ADD1: variants seen among roughly 807,000 people sequenced by gnomAD.
ADD1 encodes alpha-adducin.
A neutral mutation model predicts 80.5 loss-of-function variants in ADD1; 24 were observed. The observed-to-expected ratio is 0.30, with a 90% CI of 0.22 to 0.42. The LOEUF (loss-of-function observed/expected upper bound fraction) is 0.42. Among genes scored for constraint, ADD1 ranks in the 10% least tolerant of loss-of-function variants. ADD1 has a pLI of 1.00. For missense variants in ADD1, 948 were observed against 1,019.0 expected, an observed-to-expected ratio of 0.93 and a Z score of 0.95; for synonymous variants, 373 against 393.8, an observed-to-expected ratio of 0.95 and a Z score of 0.63.
chr4:2,899,097 T>C, intron 8 of ADD1, 162 bp from the exon 9 acceptor site: 1 of 748,726 alleles, frequency 1.3e-6, no homozygotes. Flanking sequence ...GAAATACTTC[T>C]GAAAGTAACT....
chr4:2,868,402 CA>C (rs1242575733), intron 1 of ADD1, among the ~76,000 whole-genome samples: 2 of 152,220 alleles, frequency 1.3e-5, no homozygotes, highest in Non-Finnish European at 2.9e-5. Context: ...GCACTGTTCC[CA>C]GCCCTCTGCC....
chr4:2,927,831 C>A (rs1189517979), intron 15 of ADD1, among the ~76,000 whole-genome samples: 1 of 152,162 alleles, frequency 6.6e-6, no homozygotes, highest in South Asian at 2.1e-4. Context: ...GACTTCTCGT[C>A]ACATAATGAA....
Position 2,886,828 on chromosome 4 carries a change from A to G in ADD1, c.510+2162A>G, listed in dbSNP as rs553394774. 6.6e-5 allele frequency among the ~76,000 whole-genome samples: 10 copies of G among 152,326 alleles called. 1 individual carries two copies. The South Asian group carries it at 2.1e-3, about 32-fold the overall frequency. On this transcript the variant is annotated intron_variant, in intron 4 of 15. Coordinates refer to ENST00000683351, the MANE Select transcript of ADD1 (RefSeq NM_001354761.2). ...TGCAGGGAAATTGCTGGCCTCTGTC[A>G]TCTAATTATACTTGACAGAATGCTG... is the stretch of plus-strand genomic sequence containing the variant.
chr4:2,894,467 C>T (rs1464943773), intron 5 of ADD1, 115 bp from the exon 6 acceptor site: 9 of 917,484 alleles, frequency 9.8e-6, no homozygotes, highest in African/African-American at 1.9e-5. Context: ...GCCGAGGTCG[C>T]ACCACTGCAC....
chr4:2,889,238 G>T (rs1220279602), intron 4 of ADD1, among the ~76,000 whole-genome samples: 1 of 152,146 alleles, frequency 6.6e-6, no homozygotes, highest in Admixed American at 6.5e-5. Context: ...GCGGGGTGGG[G>T]GATGGACTTG....
Position 2,872,451 on chromosome 4 carries a change from T to A in ADD1, c.-20-3445T>A, listed in dbSNP as rs1379631397. On this transcript the variant is annotated intron_variant, in intron 1 of 15. Transcript: ENST00000683351. ...ATAATTATGGCATTACATAATAGAATAAGAAATATAGTTTGCCACTTAATA... is the reference window on the plus strand; with the variant it reads ...ATAATTATGGCATTACATAATAGAAAAAGAAATATAGTTTGCCACTTAATA... Among the ~76,000 whole-genome samples the A allele has an allele frequency of 2.0e-5, 3 of 152,272 alleles. No individual in the cohort carries two copies. The East Asian group carries it at 5.8e-4, about 29-fold the overall frequency.
intron 1 of ADD1, among the ~76,000 whole-genome samples, chr4:2,853,856 G>A (rs1398598041): frequency 2.6e-5 from 4 of 151,856 alleles, no homozygotes; most frequent in African/African-American, 9.7e-5. Context: ...CACCTGCCTC[G>A]GCCTCCAAAA....
At chr4:2,878,945 G>C (rs778114895) in intron 2 of ADD1, among the ~76,000 whole-genome samples, 4 of 152,238 alleles carry the variant, frequency 2.6e-5, no homozygotes, top group South Asian at 2.1e-4. Context: ...TGGATGCTAG[G>C]AGGGGGTGGT....
intron 2 of ADD1, among the ~76,000 whole-genome samples, chr4:2,877,936 C>T (rs1731622079): frequency 6.6e-6 from 1 of 152,172 alleles, no homozygotes; most frequent in Admixed American, 6.5e-5. Flanking sequence ...CAGTGCACTC[C>T]AGCCTGGGTG....
chr4:2,898,364 A>G (rs768484562), intron 7 of ADD1, 37 bp downstream of exon 7: 2 of 1,614,166 alleles, frequency 1.2e-6, no homozygotes, highest in South Asian at 2.2e-5. Context: ...AAATTACAGC[A>G]GAAAGAAGAA....
At chr4:2,928,144 A>G (rs1712216070) in intron 15 of ADD1, 27 bp from the exon 16 acceptor site, 8 of 1,601,982 alleles carry the variant, frequency 5.0e-6, no homozygotes, top group Non-Finnish European at 6.8e-6. Context: ...AGGAACCCTT[A>G]ATCCCATCTC....
At chr4:2,889,044 G>T (rs1376321023) in intron 4 of ADD1, among the ~76,000 whole-genome samples, 1 of 152,082 alleles carries the variant, frequency 6.6e-6, no homozygotes, top group African/African-American at 2.4e-5. Flanking sequence ...AGAGCGGAAG[G>T]CCAAGAATAG....
chr4:2,846,376 T>C (rs1211177165), intron 1 of ADD1, among the ~76,000 whole-genome samples: 1 of 152,236 alleles, frequency 6.6e-6, no homozygotes, highest in Non-Finnish European at 1.5e-5. Flanking sequence ...TATGATCAGA[T>C]TCAGCTTTAC....
chr4:2,928,396 C>G lies in ADD1; in HGVS notation c.2273C>G (p.Ala758Gly). 6 of 1,613,286 alleles carry G rather than the reference C, an allele frequency of 3.7e-6. No homozygotes were observed. The highest frequency in any genetic ancestry group is 5.1e-6 in the Non-Finnish European group (6 of 1,179,924). ...GTGGCTGAAGAGGCTGCCCCCTCAG[C>G]TGTCGAGGAGGGGGCCGCCGCGGAC... ...APVAEEAAPS[A>G]VEEGAAADPG... Residue 758 changes from alanine to glycine, a missense_variant, in exon 16 of 16, where the codon GCT (alanine) becomes GGT (glycine). By Grantham distance (60) the Ala-to-Gly change is moderately conservative. Transcript: ENST00000683351.
In ADD1 at chr4:2,928,236, G is replaced by C. The variant is rs766982437; in HGVS notation, c.2113G>C (p.Asp705His). ...TGCCACCTTTAAGCCAACTCTCCCC[G>C]ATCTGTCCCCTGATGAACCTTCAGA... ...DAATFKPTLP[D>H]LSPDEPSEAL... Residue 705 changes from aspartate to histidine, a missense_variant, in exon 16 of 16, where the codon GAT becomes CAT. Coordinates refer to ENST00000683351, the MANE Select transcript of ADD1 (RefSeq NM_001354761.2). 5.6e-6 allele frequency: 9 copies of C among 1,613,888 alleles called. No individual in the cohort carries two copies. In the African/African-American group the frequency reaches 6.7e-5, roughly 12 times the overall value.
chr4:2,863,644 A>G (rs1577464180), intron 1 of ADD1, among the ~76,000 whole-genome samples: 1 of 152,104 alleles, frequency 6.6e-6, no homozygotes, highest in Admixed American at 6.5e-5. Context: ...CTGTCTGCCA[A>G]ACACTCTAAA....
intron 4 of ADD1, among the ~76,000 whole-genome samples, chr4:2,893,281 G>GAA (rs1303022792): frequency 2.2e-5 from 3 of 139,104 alleles, no homozygotes; most frequent in African/African-American, 7.8e-5. Context: ...CTGCAGCAAG[G>GAA]AAAAAAAAAA....
intron 2 of ADD1, among the ~76,000 whole-genome samples, chr4:2,881,031 C>T (rs1369861200): frequency 1.3e-5 from 2 of 148,672 alleles, no homozygotes. Flanking sequence ...ACTAATAATC[C>T]TATCACTAAA....
intron 13 of ADD1, among the ~76,000 whole-genome samples, 158 bp downstream of exon 13, chr4:2,909,589 C>G (rs926534312): frequency 1.3e-5 from 2 of 149,818 alleles, no homozygotes; most frequent in African/African-American, 4.9e-5. Context: ...TCTGTTCTAC[C>G]TACTTGATTC....
Sources: allele counts gnomAD v4.1 joint callset (sites outside exome capture counted in the v4.1 genomes callset), GRCh38; gene constraint gnomAD v4.1.1; transcripts MANE v1.5; gene names NCBI Gene and HGNC (gene_info 2026-07-23, HGNC 2026-07-21).